CDC27: variants seen among roughly 807,000 people sequenced by gnomAD.
CDC27 encodes the protein cell division cycle 27.
In CDC27, 27 loss-of-function variants were observed where a neutral mutation model predicts 109.7. The ratio of observed to expected loss-of-function variants is 0.25; its 90% confidence interval spans 0.18 to 0.34. The LOEUF is 0.34. Ranked by LOEUF, CDC27 falls within the 10% of genes least tolerant of loss-of-function variation. The probability of loss-of-function intolerance (pLI) is 1.00; values close to 1 mark genes in which losing one functional copy is unlikely to be tolerated. For missense variants in CDC27, 579 were observed against 960.2 expected, an observed-to-expected ratio of 0.60 and a Z score of 5.25; for synonymous variants, 266 against 333.9, an observed-to-expected ratio of 0.80 and a Z score of 2.22.
chr17:47,129,663 G>A, intron 15 of CDC27, 142 bp from the exon 16 acceptor site: 1 of 469,260 alleles, frequency 2.1e-6, no homozygotes, highest in Non-Finnish European at 3.8e-6. Flanking sequence ...TGCATTAAGT[G>A]GATTTAGTAA....
At chr17:47,182,559 T>C (rs370898217) in intron 1 of CDC27, among the ~76,000 whole-genome samples, 2 of 152,344 alleles carry the variant, frequency 1.3e-5, no homozygotes, top group East Asian at 3.9e-4. Context: ...AGTATAACAT[T>C]TACTTTTTCC....
chr17:47,141,651 G>A (rs183421855), intron 12 of CDC27, among the ~76,000 whole-genome samples: 4 of 152,192 alleles, frequency 2.6e-5, no homozygotes, highest in East Asian at 1.9e-4. Context: ...AACCTATTCC[G>A]AGAAGTTGCA....
rs11570485 is a variant in CDC27, at chr17:47,157,251, C to T, written c.609G>A (p.Thr203=). 6.2e-6 allele frequency: 10 copies of T among 1,611,530 alleles called. No individual in the cohort carries two copies. In the East Asian group the frequency reaches 6.7e-5, roughly 11 times the overall value. The stretch of plus-strand genomic sequence containing the variant: ...TTACAATTGTGTCCTGGGGTGTTTC[C>T]GTAAGAACTGTCTCAGGCTGTCTGT... ...LSHRQPETVL[T]ETPQDTIELN... is the part of the protein sequence containing the mutation. Residue 203 remains threonine (T), a synonymous_variant, in exon 6 of 19, where the codon ACG becomes ACA. Coordinates refer to ENST00000066544, the MANE Select transcript of CDC27 (RefSeq NM_001256.6).
intron 10 of CDC27, among the ~76,000 whole-genome samples, chr17:47,143,565 A>G (rs1382010943): frequency 6.6e-6 from 1 of 152,218 alleles, no homozygotes; most frequent in Non-Finnish European, 1.5e-5. Context: ...ATGATTTAAT[A>G]GTAACATCCT....
At position 47,157,053 on chromosome 17, in the gene CDC27, A is replaced by G. The variant is rs748545575; in HGVS notation, c.702T>C (p.Tyr234=). ...CAGGTGAAATTACAGCTGAATCAAT[A>G]TAAGACACTGAGGAATCTGTATTCA... The part of the protein sequence containing the change: ...YSLNTDSSVS[Y]IDSAVISPDT... The change falls in exon 7 of 19, where the codon TAT becomes TAC. Residue 234 remains tyrosine (Y), a synonymous_variant. Transcript: ENST00000066544. 6.4e-7 allele frequency: 1 copy of G among 1,563,864 alleles called. No individual in the cohort carries two copies. Among genetic ancestry groups the G allele is most frequent in the Non-Finnish European group, 8.8e-7 (1 of 1,141,578 alleles).
At chr17:47,165,446 C>T (rs1264311327) in intron 4 of CDC27, among the ~76,000 whole-genome samples, 1 of 152,182 alleles carries the variant, frequency 6.6e-6, no homozygotes, top group African/African-American at 2.4e-5. Context: ...CATCTTTTCA[C>T]CTGCTTATTT....
chr17:47,145,684 C>T (rs1017060313), intron 9 of CDC27, among the ~76,000 whole-genome samples: 2 of 152,068 alleles, frequency 1.3e-5, no homozygotes, highest in East Asian at 1.9e-4. Context: ...AGGCGGATCA[C>T]GAGGTCAAGA....
chr17:47,122,584 C>T lies in CDC27; in HGVS notation c.2252G>A (p.Gly751Asp). ...FLIGKVYKKL[G>D]QTHLALMNFS... is the part of the protein sequence containing the mutation. ...ATTCATCAGGGCGAGGTGCGTTTGACCTAACTTCTTGTAAACCTAAAAATA... is the reference window on the plus strand; with the variant it reads ...ATTCATCAGGGCGAGGTGCGTTTGATCTAACTTCTTGTAAACCTAAAAATA... The change falls in exon 18 of 19, where the codon GGT becomes GAT. Residue 751 changes from glycine (G) to aspartate (D), a missense_variant. This residue lies in a region of CDC27 where 227 missense variants were observed against 363.6 expected (regional missense o/e 0.62). Coordinates refer to ENST00000066544, the MANE Select transcript of CDC27 (RefSeq NM_001256.6). 6.3e-7 allele frequency: 1 copy of T among 1,590,018 alleles called. No individual in the cohort carries two copies. Among genetic ancestry groups the T allele is most frequent in the Non-Finnish European group, 8.6e-7 (1 of 1,168,640 alleles).
intron 16 of CDC27, among the ~76,000 whole-genome samples, chr17:47,128,038 A>G (rs2068805806): frequency 6.8e-6 from 1 of 147,216 alleles, no homozygotes; most frequent in African/African-American, 2.5e-5. Context: ...ATTTCTTTCT[A>G]TTTTTCTTTT....
chr17:47,171,817 C>G (rs879577318), intron 3 of CDC27, 100 bp downstream of exon 3: 7 of 735,604 alleles, frequency 9.5e-6, no homozygotes, highest in Non-Finnish European at 1.5e-5. Flanking sequence ...AGATGGAAAA[C>G]AGGGAAGAAA....
At chr17:47,134,385 G>C (rs2062502423) in intron 14 of CDC27, among the ~76,000 whole-genome samples, 1 of 151,448 alleles carries the variant, frequency 6.6e-6, no homozygotes, top group South Asian at 2.1e-4. Context: ...GCTCACTGCA[G>C]GTAACCTTGA....
intron 2 of CDC27, among the ~76,000 whole-genome samples, chr17:47,173,872 C>T (rs954871794): frequency 1.3e-5 from 2 of 152,238 alleles, no homozygotes; most frequent in Non-Finnish European, 2.9e-5. Context: ...GCAGGCAGAT[C>T]ACCTGAGGTC....
intron 16 of CDC27, among the ~76,000 whole-genome samples, chr17:47,127,591 C>T (rs555080537): frequency 2.0e-5 from 3 of 151,832 alleles, no homozygotes; most frequent in Admixed American, 6.6e-5. Context: ...TTAGTAGAGA[C>T]GGGGTTTCAC....
chr17:47,181,253 T>TTAA (rs1719912257), intron 2 of CDC27: 1 of 22,364 alleles, frequency 4.5e-5, no homozygotes. Context: ...AGACCCTGTT[T>TTAA]CAAAAAAAAA....
chr17:47,159,444 GGCACACGT>G, intron 4 of CDC27: 1 of 751,154 alleles, frequency 1.3e-6, no homozygotes, highest in East Asian at 2.9e-5. Context: ...CAGCTTCTTG[GGCACACGT>G]GCCAAGACGA....
chr17:47,137,377 C>A lies in CDC27; in HGVS notation c.1705-17G>T, dbSNP rs766866034. 4.2e-5 allele frequency: 62 copies of A among 1,491,006 alleles called. No homozygotes were observed. The highest frequency in any genetic ancestry group is 3.3e-4 in the Admixed American group (15 of 44,964). 92.4% of individuals were successfully genotyped at this position (1,491,006 alleles called of 1,614,324 possible). A position where few individuals can be genotyped will look rare whatever the true frequency, so the allele number is the denominator to read the frequency against. ...ACACCAGGCCTTAAAAAAATGGGAA[C>A]AAAAACCAAACAGAATTAAAATTTT... is the stretch of plus-strand genomic sequence containing the variant. On this transcript the variant is annotated splice_polypyrimidine_tract_variant and intron_variant, in intron 13 of 18. Coordinates refer to ENST00000066544, the MANE Select transcript of CDC27 (RefSeq NM_001256.6).
chr17:47,125,506 A>C (rs953127023), intron 16 of CDC27, among the ~76,000 whole-genome samples: 8 of 151,560 alleles, frequency 5.3e-5, no homozygotes, highest in African/African-American at 1.9e-4. Flanking sequence ...TTGGCCTCCC[A>C]AAGTGCTGGG....
intron 17 of CDC27, among the ~76,000 whole-genome samples, 195 bp downstream of exon 17, chr17:47,123,691 C>A (rs1038232397): frequency 6.6e-6 from 1 of 152,070 alleles, no homozygotes; most frequent in Non-Finnish European, 1.5e-5. Context: ...GGATTACAGG[C>A]GTGAGGCACC....
chr17:47,137,397 A>G, intron 13 of CDC27, 37 bp from the exon 14 acceptor site: 1 of 1,360,728 alleles, frequency 7.3e-7, no homozygotes, highest in Non-Finnish European at 9.8e-7. Context: ...ACAGAATTAA[A>G]ATTTTACTTT....
Sources: allele counts gnomAD v4.1 joint callset (sites outside exome capture counted in the v4.1 genomes callset), GRCh38; gene constraint gnomAD v4.1.1; regional missense constraint gnomAD v4.1.1; transcripts MANE v1.5; gene names NCBI Gene and HGNC (gene_info 2026-07-23, HGNC 2026-07-21).